Variants in RPS6KA5 observed in about 807,000 individuals in gnomAD.
The protein encoded by RPS6KA5 is ribosomal protein S6 kinase alpha-5.
In RPS6KA5, 27 loss-of-function variants were observed where a neutral mutation model predicts 85.5. The observed-to-expected ratio is 0.32, with a 90% CI of 0.23 to 0.44. RPS6KA5 has a LOEUF of 0.44. RPS6KA5 is among the 20% of genes least tolerant of loss of function. RPS6KA5 has a pLI of 1.00. For synonymous variants in RPS6KA5, 334 were observed against 348.2 expected (o/e 0.96, Z 0.46); for missense variants, 811 against 980.9 (o/e 0.83, Z 2.31).
intron 14 of RPS6KA5, among the ~76,000 whole-genome samples, chr14:90,882,312 A>G (rs571761126): frequency 9.2e-5 from 14 of 152,348 alleles, no homozygotes; most frequent in African/African-American, 3.4e-4. Context: ...TTACAAAACT[A>G]CATCTTTATA....
chr14:90,912,978 T>C (rs1368311693), intron 7 of RPS6KA5, among the ~76,000 whole-genome samples: 1 of 143,314 alleles, frequency 7.0e-6, no homozygotes, highest in Non-Finnish European at 1.5e-5. Context: ...TGGTGCAATC[T>C]TGGCTCACTG....
In RPS6KA5 at chr14:90,912,904, C is replaced by CTTTTTTTTT. The variant is rs57029403; in HGVS notation, c.807-6614_807-6606dup. Among the ~76,000 whole-genome samples the CTTTTTTTTT allele has an allele frequency of 4.3e-4, 23 of 53,298 alleles. 1 individual carries two copies. The highest frequency in any genetic ancestry group is 1.4e-3 in the African/African-American group (18 of 12,606). 35.0% of individuals were successfully genotyped at this position (53,298 alleles called of 152,430 possible). A position where few individuals can be genotyped will look rare whatever the true frequency, so the allele number is the denominator to read the frequency against. ...TCTTCTTCACTGTCACATAAAGCAT[C>CTTTTTTTTT]TTTTTTTTTTTTTTTTTTTTTTTTT... On this transcript the variant is annotated intron_variant, in intron 7 of 16. Transcript: ENST00000614987.
At chr14:90,992,787 T>C (rs1385435179) in intron 2 of RPS6KA5, among the ~76,000 whole-genome samples, 3 of 152,200 alleles carry the variant, frequency 2.0e-5, no homozygotes, top group Non-Finnish European at 4.4e-5. Context: ...ACCAATCTCT[T>C]TAACAGTTAT....
intron 1 of RPS6KA5, among the ~76,000 whole-genome samples, chr14:91,049,539 A>C (rs769212053): frequency 3.3e-5 from 5 of 152,100 alleles, no homozygotes; most frequent in Non-Finnish European, 7.4e-5. Flanking sequence ...GGCGTGAACC[A>C]AGGAAGCGGA....
intron 12 of RPS6KA5, among the ~76,000 whole-genome samples, chr14:90,898,402 T>C (rs1234643758): frequency 2.0e-5 from 3 of 152,134 alleles, no homozygotes; most frequent in Non-Finnish European, 2.9e-5. Context: ...TTCCTGGCAA[T>C]AGCACTCGAG....
At position 90,902,824 on chromosome 14, in the gene RPS6KA5, G is replaced by A. The variant is rs981586839; in HGVS notation, c.1103C>T (p.Ser368Phe). 2.5e-6 allele frequency: 4 copies of A among 1,613,944 alleles called. No individual in the cohort carries two copies. Among genetic ancestry groups the A allele is most frequent in the Non-Finnish European group, 3.4e-6 (4 of 1,179,924 alleles). ...GGAAATTACCTGAAACAGCTTCTCA[G>A]AACTCTGGGGCAGGGCTGCGGGAGA... Reference protein sequence around the residue: ...TYSPAALPQSSEKLFQGYSFV... With the variant: ...TYSPAALPQSFEKLFQGYSFV... The change falls in exon 9 of 17, where the codon TCT (serine) becomes TTT (phenylalanine). Residue 368 changes from serine to phenylalanine, a missense_variant. Ser to Phe is a radical substitution (Grantham distance 155). Coordinates refer to ENST00000614987, the MANE Select transcript of RPS6KA5 (RefSeq NM_004755.4).
rs1050544828 is a variant in RPS6KA5 at position 90,907,553 on chromosome 14, C to T, written c.807-1254G>A. Among the ~76,000 whole-genome samples the T allele has an allele frequency of 1.1e-4, 16 of 152,258 alleles. No individual in the cohort carries two copies. The Middle Eastern group carries it at 0.01, about 97-fold the overall frequency. On this transcript the variant is annotated intron_variant, in intron 7 of 16. Coordinates refer to ENST00000614987, the MANE Select transcript of RPS6KA5 (RefSeq NM_004755.4). ...CAACCATATAGAAAATAGGCCTAGA[C>T]GCTCTATCAAATAGCCACTGAGAAT... is the stretch of plus-strand genomic sequence containing the variant.
chr14:91,057,014 G>C (rs1163809384), intron 1 of RPS6KA5, among the ~76,000 whole-genome samples: 3 of 150,666 alleles, frequency 2.0e-5, no homozygotes, highest in Non-Finnish European at 4.4e-5. Context: ...CGAGTAGCTG[G>C]GACTACAGGT....
At chr14:91,022,911 C>T (rs2041841287) in intron 1 of RPS6KA5, among the ~76,000 whole-genome samples, 1 of 151,826 alleles carries the variant, frequency 6.6e-6, no homozygotes, top group African/African-American at 2.4e-5. Flanking sequence ...ATGGTGAAAC[C>T]CCATCTCTAC....
intron 3 of RPS6KA5, among the ~76,000 whole-genome samples, chr14:90,956,603 C>CT (rs979650917): frequency 6.6e-6 from 1 of 151,006 alleles, no homozygotes; most frequent in African/African-American, 2.4e-5. Context: ...TTTCTTTATC[C>CT]TTTTTTTGTT....
In RPS6KA5 at chr14:91,060,393, G is replaced by A. The variant is rs756873050; in HGVS notation, c.42C>T (p.Thr14=). The stretch of plus-strand genomic sequence containing the variant: ...CTCCTCCGTCGCCGCCGTCCGCGCT[G>A]GTCCCCGCGGCGCCGCCGCTGCTGC... ...EGGSSGGAAG[T]SADGGDGGEQ... The change falls in exon 1 of 17, where the codon ACC becomes ACT. Residue 14 remains threonine, a synonymous_variant. Coordinates refer to ENST00000614987, the MANE Select transcript of RPS6KA5 (RefSeq NM_004755.4). 4.6e-6 allele frequency: 7 copies of A among 1,509,082 alleles called. No individual in the cohort carries two copies. Among genetic ancestry groups the A allele is most frequent in the Middle Eastern group, 3.5e-4 (2 of 5,676 alleles). The allele number at this position is 1,509,082 out of a possible 1,614,324, so 93.5% of individuals were successfully genotyped here. A position where few individuals can be genotyped will look rare whatever the true frequency, so the allele number is the denominator to read the frequency against.
At chr14:90,897,413 A>C (rs2034899642) in intron 12 of RPS6KA5, among the ~76,000 whole-genome samples, 1 of 152,192 alleles carries the variant, frequency 6.6e-6, no homozygotes, top group Admixed American at 6.5e-5. Flanking sequence ...TAGCAAACTC[A>C]TGGAGTACGT....
At chr14:90,886,732 C>A (rs2034251407) in intron 14 of RPS6KA5, among the ~76,000 whole-genome samples, 1 of 152,216 alleles carries the variant, frequency 6.6e-6, no homozygotes, top group Non-Finnish European at 1.5e-5. Context: ...GTTGTTCAAG[C>A]TGCCTAATTT....
chr14:91,015,162 A>C (rs1212980995), intron 1 of RPS6KA5, among the ~76,000 whole-genome samples: 1 of 152,238 alleles, frequency 6.6e-6, no homozygotes, highest in Non-Finnish European at 1.5e-5. Flanking sequence ...TTCAAAAGCT[A>C]GTTCCCTCAA....
At chr14:90,912,158 C>T (rs903636555) in intron 7 of RPS6KA5, among the ~76,000 whole-genome samples, 2 of 152,208 alleles carry the variant, frequency 1.3e-5, no homozygotes, top group African/African-American at 4.8e-5. Flanking sequence ...TATGAATTTT[C>T]ATGTATTTAT....
At chr14:90,947,266 G>C (rs909932895) in intron 4 of RPS6KA5, among the ~76,000 whole-genome samples, 169 bp downstream of exon 4, 2 of 152,166 alleles carry the variant, frequency 1.3e-5, no homozygotes, top group African/African-American at 2.4e-5. Context: ...TTGGAAAGTA[G>C]ATTTTTTCAA....
At chr14:91,015,405 G>A (rs1040323976) in intron 1 of RPS6KA5, among the ~76,000 whole-genome samples, 1 of 151,828 alleles carries the variant, frequency 6.6e-6, no homozygotes, top group African/African-American at 2.4e-5. Context: ...TTACAGCAAG[G>A]CAAACATTCC....
At chr14:90,904,164 T>C (rs752164371) in intron 8 of RPS6KA5, among the ~76,000 whole-genome samples, 73 of 152,168 alleles carry the variant, frequency 4.8e-4, no homozygotes, top group Admixed American at 1.3e-3. Flanking sequence ...TTAGCCAGGA[T>C]GGTCTCGATC....
chr14:91,022,036 C>T (rs1295289404), intron 1 of RPS6KA5, among the ~76,000 whole-genome samples: 3 of 152,116 alleles, frequency 2.0e-5, no homozygotes, highest in African/African-American at 7.2e-5. Context: ...ATATTTAGGT[C>T]ATTTTATATA....
Sources: allele counts gnomAD v4.1 joint callset (sites outside exome capture counted in the v4.1 genomes callset), GRCh38; gene constraint gnomAD v4.1.1; transcripts MANE v1.5; gene names NCBI Gene and HGNC (gene_info 2026-07-23, HGNC 2026-07-21).